The following LMX1A variants were observed in gnomAD, a reference collection of about 807,000 sequenced individuals.
The protein encoded by LMX1A is LIM homeobox transcription factor 1 alpha, also known as LIM homeobox transcription factor 1-alpha.
LMX1A carries 15 observed loss-of-function variants against 49.1 expected under a neutral mutation model. The ratio of observed to expected loss-of-function variants is 0.31; its 90% confidence interval spans 0.20 to 0.47. The LOEUF is 0.47. Ranked by LOEUF, LMX1A falls within the 20% of genes least tolerant of loss-of-function variation. LMX1A has a pLI of 1.00. For synonymous variants in LMX1A, 167 were observed against 185.7 expected (o/e 0.90, Z 0.82); for missense variants, 372 against 475.8 (o/e 0.78, Z 2.03).
At chr1:165,208,018 G>T in intron 7 of LMX1A, 45 bp downstream of exon 7, 6 of 1,569,510 alleles carry the variant, frequency 3.8e-6, no homozygotes, top group Non-Finnish European at 5.2e-6. Flanking sequence ...GGTAGGAACA[G>T]CCTGGATTCC....
At chr1:165,251,978 C>T (rs1653075188) in intron 3 of LMX1A, among the ~76,000 whole-genome samples, 1 of 152,132 alleles carries the variant, frequency 6.6e-6, no homozygotes. Flanking sequence ...TTAGCCCGCC[C>T]CTTCATATTT....
chr1:165,298,502 G>A (rs1264031590), intron 3 of LMX1A, among the ~76,000 whole-genome samples: 3 of 152,204 alleles, frequency 2.0e-5, no homozygotes, highest in Non-Finnish European at 4.4e-5. Context: ...ACAATTAACC[G>A]GGGGCTGAAA....
At chr1:165,349,606 T>G (rs1266381619) in intron 3 of LMX1A, among the ~76,000 whole-genome samples, 1 of 147,902 alleles carries the variant, frequency 6.8e-6, no homozygotes, top group East Asian at 1.9e-4. Flanking sequence ...TTCTACACTC[T>G]CACCTTAAAT....
At chr1:165,255,964 C>G (rs1432482708) in intron 3 of LMX1A, among the ~76,000 whole-genome samples, 3 of 151,398 alleles carry the variant, frequency 2.0e-5, no homozygotes, top group African/African-American at 7.3e-5. Flanking sequence ...AAGAGCGAAA[C>G]TCCGTCTCAA....
At chr1:165,246,423 T>G (rs999110187) in intron 4 of LMX1A, among the ~76,000 whole-genome samples, 1 of 152,154 alleles carries the variant, frequency 6.6e-6, no homozygotes, top group Non-Finnish European at 1.5e-5. Flanking sequence ...ATTTTTAGAG[T>G]TGAAAGCGAT....
chr1:165,212,765 C>T (rs1019746726), intron 5 of LMX1A: 2 of 152,166 alleles, frequency 1.3e-5, no homozygotes, highest in Non-Finnish European at 2.9e-5. Flanking sequence ...CTTTCTTCAT[C>T]CTATGAGTAA....
chr1:165,247,014 T>C (rs979206705), intron 4 of LMX1A, among the ~76,000 whole-genome samples: 2 of 147,608 alleles, frequency 1.4e-5, no homozygotes, highest in Non-Finnish European at 3.0e-5. Flanking sequence ...ATTATAATTC[T>C]ATTAATCTGT....
At chr1:165,227,163 A>G (rs10494436) in intron 4 of LMX1A, among the ~76,000 whole-genome samples, 62,069 of 152,114 alleles carry the variant, frequency 0.41, 15,156 homozygotes, top group East Asian at 0.63. Flanking sequence ...ATATTCTAGC[A>G]CAAGAGAGCA....
intron 4 of LMX1A, among the ~76,000 whole-genome samples, chr1:165,214,204 TAGTG>T (rs757044212): frequency 1.8e-4 from 27 of 152,322 alleles, no homozygotes; most frequent in Admixed American, 3.9e-4. Flanking sequence ...GATCTTGTGA[TAGTG>T]AGTGAGTTCT....
chr1:165,323,069 T>A (rs1655468942), intron 3 of LMX1A, among the ~76,000 whole-genome samples: 1 of 152,162 alleles, frequency 6.6e-6, no homozygotes, highest in Non-Finnish European at 1.5e-5. Context: ...AATCTCAGAA[T>A]CAAAAGGGCC....
intron 3 of LMX1A, among the ~76,000 whole-genome samples, chr1:165,323,961 T>C (rs1404535741): frequency 6.6e-6 from 1 of 152,252 alleles, no homozygotes; most frequent in Non-Finnish European, 1.5e-5. Context: ...GTCTACTAAA[T>C]GCTTGTAGTT....
intron 4 of LMX1A, among the ~76,000 whole-genome samples, chr1:165,236,559 G>C (rs1301227776): frequency 6.6e-6 from 1 of 151,886 alleles, no homozygotes; most frequent in Admixed American, 6.6e-5. Context: ...CTTACACATG[G>C]ATTTGTGTTT....
intron 2 of LMX1A, among the ~76,000 whole-genome samples, chr1:165,354,554 C>A (rs1027950569): frequency 1.3e-5 from 2 of 152,076 alleles, no homozygotes; most frequent in African/African-American, 4.8e-5. Context: ...CAAAGAGGGG[C>A]GCTCAGTGCA....
At chr1:165,246,540 A>T (rs1242864790) in intron 4 of LMX1A, among the ~76,000 whole-genome samples, 1 of 152,178 alleles carries the variant, frequency 6.6e-6, no homozygotes, top group African/African-American at 2.4e-5. Flanking sequence ...TAGATCTAAT[A>T]ATTAGAACGA....
intron 4 of LMX1A, among the ~76,000 whole-genome samples, chr1:165,240,414 C>T (rs1158403012): frequency 6.6e-6 from 1 of 152,018 alleles, no homozygotes; most frequent in Non-Finnish European, 1.5e-5. Context: ...TCCCATCTGC[C>T]AGCTCCTTTC....
At chr1:165,314,318 C>G (rs1655159434) in intron 3 of LMX1A, among the ~76,000 whole-genome samples, 1 of 152,214 alleles carries the variant, frequency 6.6e-6, no homozygotes. Context: ...TCTATGAATG[C>G]AGCATCCCAG....
At chr1:165,250,307 A>G (rs1366190176) in intron 3 of LMX1A, among the ~76,000 whole-genome samples, 1 of 152,234 alleles carries the variant, frequency 6.6e-6, no homozygotes, top group Non-Finnish European at 1.5e-5. Flanking sequence ...GTGGTTCATG[A>G]CACAGTGCTT....
chr1:165,259,820 C>T (rs1653369883), intron 3 of LMX1A, among the ~76,000 whole-genome samples: 1 of 152,166 alleles, frequency 6.6e-6, no homozygotes, highest in Non-Finnish European at 1.5e-5. Context: ...GTGTTCTGAA[C>T]AACTAAATGA....
intron 3 of LMX1A, among the ~76,000 whole-genome samples, chr1:165,351,036 T>G (rs904856748): frequency 2.6e-5 from 4 of 152,194 alleles, no homozygotes; most frequent in African/African-American, 7.2e-5. Context: ...AGGGCTGAAA[T>G]GGAAGGGACA....
Sources: allele counts gnomAD v4.1 joint callset (sites outside exome capture counted in the v4.1 genomes callset), GRCh38; gene constraint gnomAD v4.1.1; transcripts MANE v1.5; gene names NCBI Gene and HGNC (gene_info 2026-07-23, HGNC 2026-07-21).